Variants in SF3B1 observed in about 807,000 individuals in gnomAD.
SF3B1 encodes the protein pre-mRNA processing 10.
In SF3B1, 12 loss-of-function variants were observed where a neutral mutation model predicts 153.8. The ratio of observed to expected loss-of-function variants is 0.08; its 90% confidence interval spans 0.05 to 0.13. The LOEUF (loss-of-function observed/expected upper bound fraction) is 0.13. Ranked by LOEUF, SF3B1 falls within the 10% of genes least tolerant of loss-of-function variation. SF3B1 has a pLI of 1.00. For synonymous variants in SF3B1, 498 were observed against 525.2 expected (o/e 0.95, Z 0.71); for missense variants, 513 against 1,606.1 (o/e 0.32, Z 11.63).
chr2:197,430,394 G>C (rs1204541713), intron 1 of SF3B1, among the ~76,000 whole-genome samples: 1 of 152,136 alleles, frequency 6.6e-6, no homozygotes, highest in Non-Finnish European at 1.5e-5. Flanking sequence ...GCCTAAGCTT[G>C]TAACTGTTGA....
chr2:197,402,319 T>G lies in SF3B1; in HGVS notation c.2078-189A>C, dbSNP rs1343019920. 1 of 744,530 alleles carries G rather than the reference T, an allele frequency of 1.3e-6. No individual in the cohort carries two copies. Among genetic ancestry groups the G allele is most frequent in the African/African-American group, 1.8e-5 (1 of 56,332 alleles). 46.1% of individuals were successfully genotyped at this position (744,530 alleles called of 1,614,324 possible). A position where few individuals can be genotyped will look rare whatever the true frequency, so the allele number is the denominator to read the frequency against. On this transcript the variant is annotated intron_variant, in intron 14 of 24. Transcript: ENST00000335508. The surrounding 1 kb of genome is among the most constrained non-coding windows in gnomAD (Gnocchi z 4.6). Reference sequence around the variant, plus strand: ...ATAATATAACAAACCCATCATAAAATCTATAGTTTGTAGAGCTATGCCTTT... The same window carrying G: ...ATAATATAACAAACCCATCATAAAAGCTATAGTTTGTAGAGCTATGCCTTT...
At chr2:197,430,005 T>G (rs1208714300) in intron 1 of SF3B1, among the ~76,000 whole-genome samples, 1 of 152,050 alleles carries the variant, frequency 6.6e-6, no homozygotes, top group Non-Finnish European at 1.5e-5. Flanking sequence ...AGGACAAAGG[T>G]TCTGCAACAA....
intron 6 of SF3B1, among the ~76,000 whole-genome samples, chr2:197,413,876 C>T (rs1315726397): frequency 6.6e-6 from 1 of 151,910 alleles, no homozygotes; most frequent in African/African-American, 2.4e-5. Flanking sequence ...GCACGATCTC[C>T]TCTCACTGCA....
chr2:197,426,344 G>A (rs921829742), intron 1 of SF3B1, among the ~76,000 whole-genome samples: 3 of 151,882 alleles, frequency 2.0e-5, no homozygotes, highest in Non-Finnish European at 4.4e-5. Context: ...TGCCCAGGCT[G>A]GAGTGCAGTG....
At chr2:197,393,410 C>G (rs778964330) in intron 23 of SF3B1, 1 of 538,900 alleles carries the variant, frequency 1.9e-6, no homozygotes, top group Non-Finnish European at 3.3e-6. Flanking sequence ...TTTAATTACT[C>G]AAGATTCACT....
chr2:197,413,657 A>G (rs916341017), intron 6 of SF3B1, among the ~76,000 whole-genome samples: 2 of 152,184 alleles, frequency 1.3e-5, no homozygotes, highest in Non-Finnish European at 2.9e-5. Flanking sequence ...TTAGACTAGG[A>G]TGGTAGAGGC....
intron 7 of SF3B1, among the ~76,000 whole-genome samples, chr2:197,409,212 C>G (rs1387942115): frequency 6.6e-6 from 1 of 152,086 alleles, no homozygotes; most frequent in Non-Finnish European, 1.5e-5. Context: ...CCCGCCTGAC[C>G]AGCATAGAGA....
chr2:197,411,554 C>T (rs548513287), intron 6 of SF3B1, among the ~76,000 whole-genome samples: 5 of 152,010 alleles, frequency 3.3e-5, no homozygotes, highest in African/African-American at 7.2e-5. Flanking sequence ...TGCCTGTAGT[C>T]CCAGCTACTC....
chr2:197,393,999 C>T (rs1297134338), intron 23 of SF3B1, among the ~76,000 whole-genome samples: 1 of 151,864 alleles, frequency 6.6e-6, no homozygotes, highest in Non-Finnish European at 1.5e-5. Flanking sequence ...GCCTGGCCAG[C>T]GTGGTGAAAC....
chr2:197,400,345 A>C lies in SF3B1; in HGVS notation c.2808T>G (p.Val936=). ...CAGATTTGTTATTTAAACGCCACAA[A>C]ACTGTACCACAGATCTGAGGCAAGT... ...KPYLPQICGT[V]LWRLNNKSAK... Residue 936 remains valine, a synonymous_variant, in exon 19 of 25, where the codon GTT becomes GTG. Coordinates refer to ENST00000335508, the MANE Select transcript of SF3B1 (RefSeq NM_012433.4). This position sits in a 1 kb window ranked among gnomAD's most constrained non-coding sequence, Gnocchi z 5.0. 6.2e-7 allele frequency: 1 copy of C among 1,614,042 alleles called. No individual in the cohort carries two copies. The highest frequency in any genetic ancestry group is 1.1e-5 in the South Asian group (1 of 91,084).
At position 197,390,461 on chromosome 2, in the gene SF3B1, A is replaced by C. The variant is rs1051174635; in HGVS notation, c.*1842T>G. The C allele has an allele frequency of 6.6e-6, 1 of 152,238 alleles. No individual in the cohort carries two copies. 9.4% of individuals were successfully genotyped at this position (152,238 alleles called of 1,614,324 possible). A position where few individuals can be genotyped will look rare whatever the true frequency, so the allele number is the denominator to read the frequency against. ...TAAAGTTGCATGGAAGTACCGCTGA[A>C]AACTTCTAACAACAGAAAGATGAGT... On this transcript the variant is annotated 3_prime_UTR_variant, in exon 25 of 25. Coordinates refer to ENST00000335508, the MANE Select transcript of SF3B1 (RefSeq NM_012433.4).
At chr2:197,417,753 C>T (rs920496922) in intron 5 of SF3B1, among the ~76,000 whole-genome samples, 5 of 151,874 alleles carry the variant, frequency 3.3e-5, no homozygotes, top group Non-Finnish European at 5.9e-5. Flanking sequence ...GAAGACTCCA[C>T]TCAAAACAAA....
At chr2:197,421,186 T>G in intron 2 of SF3B1, 53 bp from the exon 3 acceptor site, 1 of 1,119,116 alleles carries the variant, frequency 8.9e-7, no homozygotes, top group Non-Finnish European at 1.4e-6. Flanking sequence ...AACTTAAAAA[T>G]TAGAAAGAAT....
At chr2:197,405,535 A>AT in intron 9 of SF3B1, 63 bp from the exon 10 acceptor site, 1 of 1,134,830 alleles carries the variant, frequency 8.8e-7, no homozygotes, top group Non-Finnish European at 1.3e-6. Context: ...AATGAACAAT[A>AT]TTTGCACTTA....
chr2:197,391,100 T>G lies in SF3B1; in HGVS notation c.*1203A>C, dbSNP rs564966359. On this transcript the variant is annotated 3_prime_UTR_variant, in exon 25 of 25. Coordinates refer to ENST00000335508, the MANE Select transcript of SF3B1 (RefSeq NM_012433.4). ...AGTAAAAAGGCCAAAACTAAGAAAT[T>G]TGGGGCCATAACATTAGAAAAGTTT... is the stretch of plus-strand genomic sequence containing the variant. The G allele has an allele frequency of 2.6e-5, 4 of 152,144 alleles. No homozygotes were observed. Among genetic ancestry groups the G allele is most frequent in the South Asian group, 4.1e-4 (2 of 4,822 alleles). 9.4% of individuals were successfully genotyped at this position (152,144 alleles called of 1,614,324 possible). A position where few individuals can be genotyped will look rare whatever the true frequency, so the allele number is the denominator to read the frequency against.
At chr2:197,429,823 A>G (rs1218781172) in intron 1 of SF3B1, among the ~76,000 whole-genome samples, 1 of 152,058 alleles carries the variant, frequency 6.6e-6, no homozygotes, top group Non-Finnish European at 1.5e-5. Flanking sequence ...GACTAGCACA[A>G]TCTAAACCTG....
At chr2:197,405,799 A>T (rs1037517886) in intron 9 of SF3B1, among the ~76,000 whole-genome samples, 3 of 152,156 alleles carry the variant, frequency 2.0e-5, no homozygotes, top group Admixed American at 1.3e-4. Context: ...AATTCCAAAA[A>T]ATGCTGTAGT....
At chr2:197,396,600 A>G (rs2084877031) in intron 22 of SF3B1, among the ~76,000 whole-genome samples, 1 of 152,236 alleles carries the variant, frequency 6.6e-6, no homozygotes. Context: ...TCAATTTTCA[A>G]ATGTAATTTT....
At chr2:197,418,923 G>C in intron 4 of SF3B1, 1 of 1,600,790 alleles carries the variant, frequency 6.2e-7, no homozygotes, top group South Asian at 1.1e-5. Context: ...TCCATCAGCA[G>C]TTCTGACTTC....
Sources: gnomAD v4.1 joint callset for allele counts (sites outside exome capture counted in the v4.1 genomes callset) on GRCh38, gnomAD v4.1.1 for gene constraint, Gnocchi (gnomAD v3.1) non-coding constraint, MANE v1.5 for transcripts, NCBI Gene and HGNC (gene_info 2026-07-23, HGNC 2026-07-21) for gene names.